HNRNPLL: variants seen among roughly 807,000 people sequenced by gnomAD.
HNRNPLL encodes heterogeneous nuclear ribonucleoprotein L-like.
In HNRNPLL, 25 loss-of-function variants were observed where a neutral mutation model predicts 67.1. The ratio of observed to expected loss-of-function variants is 0.37; its 90% confidence interval spans 0.27 to 0.52. HNRNPLL has a LOEUF of 0.52. Among genes scored for constraint, HNRNPLL ranks in the 20% least tolerant of loss-of-function variants. HNRNPLL has a pLI of 0.90. For missense variants in HNRNPLL, 542 were observed against 673.9 expected, an observed-to-expected ratio of 0.80 and a Z score of 2.17; for synonymous variants, 267 against 241.7, an observed-to-expected ratio of 1.10 and a Z score of -0.97.
At position 38,602,678 on chromosome 2, in the gene HNRNPLL, G is replaced by A. The variant is rs1461788247; in HGVS notation, c.-52C>T. 4.2e-6 allele frequency: 6 copies of A among 1,430,662 alleles called. No homozygotes were observed. The highest frequency in any genetic ancestry group is 6.6e-5 in the Admixed American group (2 of 30,508). 88.6% of individuals were successfully genotyped at this position (1,430,662 alleles called of 1,614,324 possible). A position where few individuals can be genotyped will look rare whatever the true frequency, so the allele number is the denominator to read the frequency against. Reference sequence around the variant, plus strand: ...AGGCGGGTGGGGGTGGCGGTGGGGCGCGCGCCTCGGATGCCGCCGGCCAGT... The same window carrying A: ...AGGCGGGTGGGGGTGGCGGTGGGGCACGCGCCTCGGATGCCGCCGGCCAGT... On this transcript the variant is annotated 5_prime_UTR_variant, in exon 1 of 13. Coordinates refer to ENST00000449105, the MANE Select transcript of HNRNPLL (RefSeq NM_138394.4).
rs193242474 is a variant in HNRNPLL, at chr2:38,569,183, A to G, written c.1366T>C (p.Leu456=). The G allele has an allele frequency of 3.7e-6, 6 of 1,613,454 alleles. No individual in the cohort carries two copies. In the African/African-American group the frequency reaches 5.3e-5, roughly 14 times the overall value. Residue 456 remains leucine (L), a synonymous_variant, in exon 10 of 13, where the codon TTG becomes CTG. Transcript: ENST00000449105. ...KNIIQPPSCV[L]HYYNVPLCVT... ...CACAATGGAACATTATAATAATGCA[A>G]AACACAGGAGGGTGGCTGGATTATA... is the stretch of plus-strand genomic sequence containing the variant.
At chr2:38,583,643 T>A (rs1009401517) in intron 4 of HNRNPLL, among the ~76,000 whole-genome samples, 198 bp downstream of exon 4, 1 of 152,214 alleles carries the variant, frequency 6.6e-6, no homozygotes, top group African/African-American at 2.4e-5. Flanking sequence ...AAGCACTAGA[T>A]TGCTTTCTGG....
chr2:38,586,382 T>C (rs1405224849), intron 2 of HNRNPLL, among the ~76,000 whole-genome samples: 1 of 152,222 alleles, frequency 6.6e-6, no homozygotes, highest in African/African-American at 2.4e-5. Context: ...TATCTCCCAG[T>C]GATAAGTTTA....
At chr2:38,565,892 C>G (rs1665840966) in intron 12 of HNRNPLL, 5 of 342,092 alleles carry the variant, frequency 1.5e-5, no homozygotes, top group Non-Finnish European at 1.7e-5. Context: ...ATCTACCTAC[C>G]CTTCACACAC....
chr2:38,594,529 CA>C (rs970258403), intron 1 of HNRNPLL, among the ~76,000 whole-genome samples: 1 of 151,960 alleles, frequency 6.6e-6, no homozygotes, highest in African/African-American at 2.4e-5. Flanking sequence ...CCCTACACAG[CA>C]AAAAGCTAAA....
chr2:38,569,039 AAAG>A, intron 10 of HNRNPLL, 91 bp downstream of exon 10: 1 of 894,678 alleles, frequency 1.1e-6, no homozygotes, highest in Middle Eastern at 3.0e-4. Flanking sequence ...ATCAAAAGCA[AAAG>A]AATGAGCAAA....
At chr2:38,566,829 A>T (rs551564744) in intron 12 of HNRNPLL, among the ~76,000 whole-genome samples, 96 of 151,414 alleles carry the variant, frequency 6.3e-4, no homozygotes, top group African/African-American at 2.2e-3. Context: ...ATTAAAAAAA[A>T]AAAAAATTAA....
At position 38,583,858 on chromosome 2, in the gene HNRNPLL, C is replaced by T; in HGVS notation, c.615G>A (p.Gly205=). Residue 205 remains glycine (G), a synonymous_variant, in exon 4 of 13, where the codon GGG becomes GGA. Transcript: ENST00000449105. ...VQRIVIFKRN[G]IQAMVEFESV... Reference sequence around the variant, plus strand: ...AAGGATATTCAACCATTGCTTGTATCCCATTTCTCTTGAATATAACAATAC... The same window carrying T: ...AAGGATATTCAACCATTGCTTGTATTCCATTTCTCTTGAATATAACAATAC... 1 of 1,532,210 alleles carries T rather than the reference C, an allele frequency of 6.5e-7. No homozygotes were observed. The highest frequency in any genetic ancestry group is 1.4e-5 in the African/African-American group (1 of 72,840). The allele number at this position is 1,532,210 out of a possible 1,614,324, so 94.9% of individuals were successfully genotyped here. A position where few individuals can be genotyped will look rare whatever the true frequency, so the allele number is the denominator to read the frequency against.
At chr2:38,573,496 G>T in intron 7 of HNRNPLL, 69 bp from the exon 8 acceptor site, 1 of 996,698 alleles carries the variant, frequency 1.0e-6, no homozygotes. Flanking sequence ...TACTTTAGTA[G>T]ATATACTGCA....
chr2:38,568,943 C>A (rs137999073), intron 10 of HNRNPLL, among the ~76,000 whole-genome samples, 190 bp downstream of exon 10: 2 of 152,128 alleles, frequency 1.3e-5, no homozygotes, highest in African/African-American at 4.8e-5. Context: ...CACAAATCAA[C>A]GAAGCCCAAT....
chr2:38,574,866 C>G (rs1666240270), intron 7 of HNRNPLL, among the ~76,000 whole-genome samples: 1 of 151,734 alleles, frequency 6.6e-6, no homozygotes, highest in Non-Finnish European at 1.5e-5. Flanking sequence ...TTATTTTAGC[C>G]TCTAATTTAG....
intron 12 of HNRNPLL, among the ~76,000 whole-genome samples, chr2:38,565,556 A>T (rs1306180940): frequency 2.0e-5 from 3 of 151,810 alleles, no homozygotes; most frequent in South Asian, 2.1e-4. Context: ...AAAAAAATTT[A>T]AAAATAAACA....
At chr2:38,572,338 T>C (rs1268218647) in intron 8 of HNRNPLL, among the ~76,000 whole-genome samples, 2 of 152,094 alleles carry the variant, frequency 1.3e-5, no homozygotes, top group Non-Finnish European at 2.9e-5. Flanking sequence ...AAGAACTAAA[T>C]GTAGCAACTT....
chr2:38,595,505 T>TATTTCCTA (rs1667144220), intron 1 of HNRNPLL, among the ~76,000 whole-genome samples: 1 of 152,118 alleles, frequency 6.6e-6, no homozygotes. Context: ...TATTTAATTA[T>TATTTCCTA]ATTTCCTAAG....
At chr2:38,599,923 A>G (rs1240700026) in intron 1 of HNRNPLL, 3 of 471,042 alleles carry the variant, frequency 6.4e-6, no homozygotes, top group African/African-American at 4.0e-5. Context: ...CAGTCTGACC[A>G]CAAAGGTATT....
At chr2:38,599,770 A>T (rs1231706922) in intron 1 of HNRNPLL, 1 of 394,260 alleles carries the variant, frequency 2.5e-6, no homozygotes, top group East Asian at 8.0e-5. Flanking sequence ...CTTTAAATGT[A>T]GTCAATATAT....
chr2:38,600,816 T>C (rs923151491), intron 1 of HNRNPLL, among the ~76,000 whole-genome samples: 1 of 152,168 alleles, frequency 6.6e-6, no homozygotes, highest in Non-Finnish European at 1.5e-5. Flanking sequence ...CTCAGTGCCA[T>C]TTCCACCGCT....
intron 2 of HNRNPLL, among the ~76,000 whole-genome samples, chr2:38,588,941 T>C (rs1412808055): frequency 6.6e-6 from 1 of 152,182 alleles, no homozygotes; most frequent in Non-Finnish European, 1.5e-5. Context: ...GTAGGATCAA[T>C]GCTTTTAACT....
intron 1 of HNRNPLL, among the ~76,000 whole-genome samples, chr2:38,601,076 AAC>A (rs1236559664): frequency 7.9e-5 from 12 of 152,248 alleles, no homozygotes; most frequent in African/African-American, 2.9e-4. Flanking sequence ...CAATTTCCAC[AAC>A]AGAGTTGGCT....
Sources: gnomAD v4.1 joint callset for allele counts (sites outside exome capture counted in the v4.1 genomes callset) on GRCh38, gnomAD v4.1.1 for gene constraint, MANE v1.5 for transcripts, NCBI Gene and HGNC (gene_info 2026-07-23, HGNC 2026-07-21) for gene names.